NOX4: variants seen among roughly 807,000 people sequenced by gnomAD.
NOX4 encodes kidney oxidase-1.
NOX4 carries 69 observed loss-of-function variants against 87.6 expected under a neutral mutation model. The observed-to-expected ratio is 0.79, with a 90% CI of 0.65 to 0.96. The LOEUF (loss-of-function observed/expected upper bound fraction) is 0.96, where lower values mean the gene tolerates loss of function less well. Among genes scored for constraint, NOX4 ranks in the 40% least tolerant of loss-of-function variants. The pLI is 0.00. For synonymous variants in NOX4, 275 were observed against 238.2 expected, an observed-to-expected ratio of 1.15 and a Z score of -1.42; for missense variants, 680 against 681.5, an observed-to-expected ratio of 1.00 and a Z score of 0.02.
At chr11:89,449,361 T>C (rs1011401802) in intron 4 of NOX4, 79 bp downstream of exon 4, 1 of 1,067,128 alleles carries the variant, frequency 9.4e-7, no homozygotes, top group African/African-American at 1.6e-5. Flanking sequence ...CTTTCTCTGA[T>C]CATTCTGTGT....
chr11:89,498,413 C>T (rs1281586667), upstream of NOX4, among the ~76,000 whole-genome samples: 1 of 152,066 alleles, frequency 6.6e-6, no homozygotes, highest in Non-Finnish European at 1.5e-5. Context: ...TCCAAATGTC[C>T]AGAATAACTT....
At chr11:89,480,602 C>A (rs1565343116) in intron 2 of NOX4, among the ~76,000 whole-genome samples, 1 of 152,050 alleles carries the variant, frequency 6.6e-6, no homozygotes, top group East Asian at 1.9e-4. Flanking sequence ...ATGGAATAGA[C>A]TTCATGTTAG....
At chr11:89,517,390 C>A in the NOX4 span, among the ~76,000 whole-genome samples, 1 of 152,150 alleles carries the variant, frequency 6.6e-6, no homozygotes, top group South Asian at 2.1e-4. Flanking sequence ...CTTGACCAAG[C>A]AATCCTTCCT....
At chr11:89,572,599 G>T in the NOX4 span, among the ~76,000 whole-genome samples, 1 of 152,056 alleles carries the variant, frequency 6.6e-6, no homozygotes, top group African/African-American at 2.4e-5. Context: ...GCCCAGGCTG[G>T]AGTGCAGTGG....
Position 89,444,150 on chromosome 11 carries a change from T to C in NOX4, c.432A>G (p.Ala144=). The C allele has an allele frequency of 6.2e-7, 1 of 1,613,536 alleles. No individual in the cohort carries two copies. The highest frequency in any genetic ancestry group is 1.1e-5 in the South Asian group (1 of 91,054). Residue 144 remains alanine (A), a synonymous_variant, in exon 5 of 18, where the codon GCA becomes GCG. Transcript: ENST00000263317. ...GACCACCCACCTCATCTCGGTATCTTGCTGCATTCAGTTCAACAAAGTCTT... is the reference window on the plus strand; with the variant it reads ...GACCACCCACCTCATCTCGGTATCTCGCTGCATTCAGTTCAACAAAGTCTT... ...YSEDFVELNA[A]RYRDEDPRKL...
At chr11:89,377,771 GAA>G (rs1939966333) in intron 11 of NOX4, among the ~76,000 whole-genome samples, 1 of 152,072 alleles carries the variant, frequency 6.6e-6, no homozygotes, top group African/African-American at 2.4e-5. Flanking sequence ...TTAAACCTGA[GAA>G]AGTGATCACA....
intron 13 of NOX4, among the ~76,000 whole-genome samples, chr11:89,343,221 T>A (rs1946079253): frequency 2.0e-5 from 3 of 152,240 alleles, no homozygotes; most frequent in African/African-American, 7.2e-5. Context: ...TTCTTTCATC[T>A]ATAAAAGGGT....
At chr11:89,422,949 G>A (rs899427520) in intron 7 of NOX4, among the ~76,000 whole-genome samples, 18 of 151,780 alleles carry the variant, frequency 1.2e-4, no homozygotes, top group South Asian at 4.2e-4. Context: ...ACAGGCACTC[G>A]CCACCATGAC....
intron 17 of NOX4, among the ~76,000 whole-genome samples, chr11:89,334,445 C>T (rs563494665): frequency 5.7e-4 from 87 of 151,856 alleles, no homozygotes; most frequent in Admixed American, 2.3e-3. Flanking sequence ...TAATCTGAAT[C>T]ACATGGGTAA....
chr11:89,497,275 G>C (rs932031184), intron 1 of NOX4, among the ~76,000 whole-genome samples: 2 of 152,152 alleles, frequency 1.3e-5, no homozygotes, highest in Non-Finnish European at 2.9e-5. Flanking sequence ...CTGTATGTGT[G>C]TGAAATGTTA....
At chr11:89,432,274 C>G (rs1476759077) in intron 7 of NOX4, among the ~76,000 whole-genome samples, 1 of 151,838 alleles carries the variant, frequency 6.6e-6, no homozygotes, top group Admixed American at 6.6e-5. Context: ...GGGTGCGGCA[C>G]ACCAACATGG....
upstream of NOX4, chr11:89,491,481 A>T (rs1946854968): frequency 4.0e-6 from 2 of 498,180 alleles, no homozygotes; most frequent in East Asian, 3.5e-5. Context: ...AGCTCTGCCC[A>T]CTCAGCTGCC....
At chr11:89,535,387 C>T in the NOX4 span, among the ~76,000 whole-genome samples, 2 of 152,358 alleles carry the variant, frequency 1.3e-5, no homozygotes. Context: ...AACGTGTTCC[C>T]TATGGGACTC....
At chr11:89,544,462 A>G in the NOX4 span, among the ~76,000 whole-genome samples, 1 of 152,160 alleles carries the variant, frequency 6.6e-6, no homozygotes, top group Admixed American at 6.6e-5. Flanking sequence ...CGAGTGACTC[A>G]GAGATTCAGA....
At position 89,335,912 on chromosome 11, in the gene NOX4, A is replaced by G. The variant is rs1945690136; in HGVS notation, c.1549T>C (p.Ser517Pro). The change falls in exon 17 of 18, where the codon TCA becomes CCA. Residue 517 changes from serine (S) to proline (P), a missense_variant. Transcript: ENST00000263317. The part of the protein sequence containing the change: ...IIGEKYHALN[S>P]RLFIGRPRWK... ...CGAGGACGTCCTATAAACAGTCTTG[A>G]ATTCAGTGCATGATATTTTTCTCCA... 1 of 1,600,838 alleles carries G rather than the reference A, an allele frequency of 6.2e-7. No homozygotes were observed. Among genetic ancestry groups the G allele is most frequent in the Non-Finnish European group, 8.5e-7 (1 of 1,173,642 alleles).
At chr11:89,492,378 A>C (rs1167003843), upstream of NOX4, among the ~76,000 whole-genome samples, 2 of 152,250 alleles carry the variant, frequency 1.3e-5, no homozygotes, top group East Asian at 3.8e-4. Context: ...CTAGTTGCTT[A>C]ATCGAATGGC....
At chr11:89,384,596 C>T (rs565599574) in intron 11 of NOX4, among the ~76,000 whole-genome samples, 1 of 152,112 alleles carries the variant, frequency 6.6e-6, no homozygotes, top group Non-Finnish European at 1.5e-5. Context: ...TATATAAACT[C>T]ACCAAAGCAA....
upstream of NOX4, among the ~76,000 whole-genome samples, chr11:89,500,157 C>T (rs1024040659): frequency 6.6e-6 from 1 of 152,096 alleles, no homozygotes; most frequent in Non-Finnish European, 1.5e-5. Flanking sequence ...GGAGAATAAT[C>T]TTGCATCTTA....
chr11:89,499,847 T>C (rs375327823), upstream of NOX4, among the ~76,000 whole-genome samples: 7 of 131,468 alleles, frequency 5.3e-5, no homozygotes, highest in South Asian at 1.1e-3. Context: ...GGATATTTAA[T>C]TTTTTAAAAA....
Sources: gnomAD v4.1 joint callset for allele counts (sites outside exome capture counted in the v4.1 genomes callset) on GRCh38, gnomAD v4.1.1 for gene constraint, MANE v1.5 for transcripts, NCBI Gene and HGNC (gene_info 2026-07-23, HGNC 2026-07-21) for gene names.